RBM47: variants seen among roughly 807,000 people sequenced by gnomAD.
The protein encoded by RBM47 is RNA binding motif protein 47.
In RBM47, 21 loss-of-function variants were observed where a neutral mutation model predicts 47.1. That is an observed-to-expected ratio of 0.45 (90% confidence interval 0.32 to 0.64). The LOEUF is 0.64. Ranked by LOEUF, RBM47 falls within the 30% of genes least tolerant of loss-of-function variation. The pLI is 0.05. For synonymous variants in RBM47, 375 were observed against 361.7 expected, an observed-to-expected ratio of 1.04 and a Z score of -0.42; for missense variants, 708 against 870.9, an observed-to-expected ratio of 0.81 and a Z score of 2.35.
chr4:40,576,360 C>T (rs3828532), intron 1 of RBM47, among the ~76,000 whole-genome samples: 64,200 of 149,852 alleles, frequency 0.43, 14,185 homozygotes, highest in African/African-American at 0.53. Context: ...CTTGCTATGT[C>T]GCCCAGGCTG....
At chr4:40,480,455 T>C (rs1405009547) in intron 2 of RBM47, among the ~76,000 whole-genome samples, 1 of 152,184 alleles carries the variant, frequency 6.6e-6, no homozygotes, top group East Asian at 1.9e-4. Context: ...TAGCTACCTC[T>C]CTACCTACCT....
At chr4:40,624,801 T>C (rs1387078941) in intron 1 of RBM47, among the ~76,000 whole-genome samples, 1 of 152,050 alleles carries the variant, frequency 6.6e-6, no homozygotes, top group Non-Finnish European at 1.5e-5. Flanking sequence ...TATTATTTTT[T>C]AATCAAATGA....
intron 1 of RBM47, among the ~76,000 whole-genome samples, chr4:40,593,231 C>G (rs1283362545): frequency 6.6e-6 from 1 of 150,658 alleles, no homozygotes. Flanking sequence ...ATCTCCTGAC[C>G]TCGTGATCCG....
intron 3 of RBM47, among the ~76,000 whole-genome samples, chr4:40,440,869 T>C (rs1226452417): frequency 6.6e-6 from 1 of 152,208 alleles, no homozygotes; most frequent in African/African-American, 2.4e-5. Flanking sequence ...TCAAGAAATG[T>C]CAGTTATTAA....
At chr4:40,599,050 T>C in intron 1 of RBM47, among the ~76,000 whole-genome samples, 1 of 146,436 alleles carries the variant, frequency 6.8e-6, no homozygotes, top group African/African-American at 2.5e-5. Context: ...AGGTCAGGAG[T>C]TCAAGACCAG....
Position 40,479,914 on chromosome 4 carries a change from C to T in RBM47, c.-154-13215G>A, listed in dbSNP as rs77977152. The stretch of plus-strand genomic sequence containing the variant: ...TCACCAGGCACTGTTCTAAGTGTTT[C>T]GCATATATTAACACAGGCAACCCCC... On this transcript the variant is annotated intron_variant, in intron 2 of 6. Coordinates refer to ENST00000295971, the MANE Select transcript of RBM47 (RefSeq NM_001098634.2). 5.4e-3 allele frequency among the ~76,000 whole-genome samples: 820 copies of T among 151,856 alleles called. 11 individuals are homozygous for T. In the East Asian group the frequency reaches 0.065, roughly 12 times the overall value.
chr4:40,471,069 G>C (rs1718789945), intron 2 of RBM47, among the ~76,000 whole-genome samples: 1 of 152,018 alleles, frequency 6.6e-6, no homozygotes, highest in South Asian at 2.1e-4. Flanking sequence ...TAAACCAATT[G>C]CCCTCACCCA....
At chr4:40,432,601 T>A in intron 6 of RBM47, 50 bp downstream of exon 6, 1 of 1,607,334 alleles carries the variant, frequency 6.2e-7, no homozygotes, top group Non-Finnish European at 8.5e-7. Context: ...GAATCCATGT[T>A]AAAGAGAGGC....
intron 1 of RBM47, among the ~76,000 whole-genome samples, chr4:40,619,887 T>G (rs1159427801): frequency 1.3e-5 from 2 of 152,174 alleles, no homozygotes; most frequent in African/African-American, 4.8e-5. Context: ...ACACAGTAGC[T>G]GCTCAAACAG....
rs137870802 is a variant in RBM47 at position 40,437,715 on chromosome 4, C to T, written c.1123+56G>A. 1.0e-3 allele frequency: 1,531 copies of T among 1,495,650 alleles called. 15 individuals are homozygous for T. In the African/African-American group the frequency reaches 0.019, roughly 19 times the overall value. 92.6% of individuals were successfully genotyped at this position (1,495,650 alleles called of 1,614,324 possible). A position where few individuals can be genotyped will look rare whatever the true frequency, so the allele number is the denominator to read the frequency against. On this transcript the variant is annotated intron_variant, in intron 4 of 6. Transcript: ENST00000295971. ...CCAGCCACGGTATCCCTGGTGCCCCCTGCCTAGGAGGCAACGTTCTTGGGG... is the reference window on the plus strand; with the variant it reads ...CCAGCCACGGTATCCCTGGTGCCCCTTGCCTAGGAGGCAACGTTCTTGGGG...
intron 2 of RBM47, among the ~76,000 whole-genome samples, chr4:40,472,297 G>T (rs538613941): frequency 1.3e-5 from 2 of 151,778 alleles, no homozygotes; most frequent in Admixed American, 6.6e-5. Context: ...GTTTTTTGTC[G>T]GGTGCGGTGG....
At chr4:40,569,611 G>A (rs892818529) in intron 1 of RBM47, among the ~76,000 whole-genome samples, 20 of 151,492 alleles carry the variant, frequency 1.3e-4, no homozygotes, top group Non-Finnish European at 1.9e-4. Flanking sequence ...GGGTTTTACC[G>A]TGTTAGCCAG....
chr4:40,531,078 G>A (rs1203056936), intron 2 of RBM47, among the ~76,000 whole-genome samples: 1 of 152,164 alleles, frequency 6.6e-6, no homozygotes, highest in Non-Finnish European at 1.5e-5. Context: ...CAGCCTGGGT[G>A]ACAGAGTAAG....
intron 4 of RBM47, among the ~76,000 whole-genome samples, chr4:40,437,090 A>AAAAAAAAATATATATAT (rs1256296949): frequency 2.0e-5 from 1 of 49,852 alleles, no homozygotes; most frequent in African/African-American, 1.1e-4. Context: ...AAAAAAAAAA[A>AAAAAAAAATATATATAT]ATATATATAT....
intron 2 of RBM47, among the ~76,000 whole-genome samples, chr4:40,470,604 G>A (rs908596287): frequency 7.2e-5 from 11 of 151,992 alleles, no homozygotes; most frequent in East Asian, 1.9e-4. Flanking sequence ...TTTATTTTTC[G>A]GAAAAAGATG....
intron 2 of RBM47, among the ~76,000 whole-genome samples, chr4:40,470,068 T>C (rs769248261): frequency 2.0e-4 from 30 of 152,204 alleles, no homozygotes; most frequent in Non-Finnish European, 7.3e-5. Context: ...GAAGGTTAGT[T>C]CCAGTCCAAA....
chr4:40,500,480 A>G (rs1239409052), intron 2 of RBM47, among the ~76,000 whole-genome samples: 1 of 149,972 alleles, frequency 6.7e-6, no homozygotes, highest in East Asian at 2.0e-4. Flanking sequence ...GTGTGGTGGT[A>G]TGTGCCTATA....
Position 40,618,678 on chromosome 4 carries a change from G to A in RBM47, c.-240+10718C>T, listed in dbSNP as rs577994670. On this transcript the variant is annotated intron_variant, in intron 1 of 6. Coordinates refer to ENST00000295971, the MANE Select transcript of RBM47 (RefSeq NM_001098634.2). ...ACAAAAATAAGCCAGGCATGGTGGC[G>A]CGCGCCTGTAATCCCAGCTACTCGG... is the stretch of plus-strand genomic sequence containing the variant. Among the ~76,000 whole-genome samples, 266 of 150,732 alleles carry A rather than the reference G, an allele frequency of 1.8e-3. 2 individuals are homozygous for A. The highest frequency in any genetic ancestry group is 6.0e-3 in the African/African-American group (248 of 41,118).
At chr4:40,534,066 C>T (rs1466143401) in intron 2 of RBM47, among the ~76,000 whole-genome samples, 1 of 151,710 alleles carries the variant, frequency 6.6e-6, no homozygotes, top group Non-Finnish European at 1.5e-5. Flanking sequence ...CCACATGCCT[C>T]GGCCTCCCCA....
Sources: allele counts gnomAD v4.1 joint callset (sites outside exome capture counted in the v4.1 genomes callset), GRCh38; gene constraint gnomAD v4.1.1; transcripts MANE v1.5; gene names NCBI Gene and HGNC (gene_info 2026-07-23, HGNC 2026-07-21).